The following ZNF385D variants were observed in gnomAD, a reference collection of about 807,000 sequenced individuals.
The protein encoded by ZNF385D is zinc finger protein 659.
In ZNF385D, 15 loss-of-function variants were observed where a neutral mutation model predicts 35.8. The observed-to-expected ratio is 0.42, with a 90% CI of 0.28 to 0.64. The LOEUF (loss-of-function observed/expected upper bound fraction) is 0.64. Ranked by LOEUF, ZNF385D falls within the 30% of genes least tolerant of loss-of-function variation. The pLI, the probability that ZNF385D is intolerant of heterozygous loss-of-function variation, is 0.23. For missense variants in ZNF385D, 474 were observed against 494.6 expected (o/e 0.96, Z 0.39); for synonymous variants, 212 against 186.8 (o/e 1.13, Z -1.10).
intron 2 of ZNF385D, among the ~76,000 whole-genome samples, chr3:22,259,137 T>A (rs1211961046): frequency 6.6e-6 from 1 of 151,922 alleles, no homozygotes; most frequent in Non-Finnish European, 1.5e-5. Context: ...CTCTGTAACA[T>A]CATGTATCTC....
chr3:22,253,818 CAA>C (rs1240123585), intron 2 of ZNF385D, among the ~76,000 whole-genome samples: 2 of 141,794 alleles, frequency 1.4e-5, no homozygotes, highest in Non-Finnish European at 3.2e-5. Context: ...ATTGCTATAA[CAA>C]GAGAGAAAAA....
intron 2 of ZNF385D, among the ~76,000 whole-genome samples, chr3:22,240,201 A>AAG (rs1553635042): frequency 0.33 from 40,320 of 120,424 alleles, 8,654 homozygotes; most frequent in African/African-American, 0.4. Flanking sequence ...AAAAAAAAAA[A>AAG]AAGATTTCAG....
At chr3:22,170,321 T>G (rs1271392731) in intron 2 of ZNF385D, among the ~76,000 whole-genome samples, 3 of 152,184 alleles carry the variant, frequency 2.0e-5, no homozygotes, top group African/African-American at 7.2e-5. Flanking sequence ...GACTTTGGAA[T>G]CAGGTAAATG....
chr3:22,332,120 C>T (rs1694966191), intron 2 of ZNF385D, among the ~76,000 whole-genome samples: 1 of 152,198 alleles, frequency 6.6e-6, no homozygotes, highest in Non-Finnish European at 1.5e-5. Flanking sequence ...CTATTCACTA[C>T]TTCTATCCAT....
intron 3 of ZNF385D, among the ~76,000 whole-genome samples, chr3:22,105,245 T>A (rs1187646876): frequency 6.6e-6 from 1 of 151,906 alleles, no homozygotes; most frequent in East Asian, 1.9e-4. Flanking sequence ...ACTGAAAATA[T>A]TAAGTGCCAA....
At chr3:22,155,291 T>C (rs1705514262) in intron 3 of ZNF385D, among the ~76,000 whole-genome samples, 1 of 152,102 alleles carries the variant, frequency 6.6e-6, no homozygotes, top group East Asian at 1.9e-4. Context: ...ATATGGGATG[T>C]GGGGTCTCCG....
At chr3:21,583,951 C>CTTATTTACTTAT (rs1553617404) in intron 2 of ZNF385D, among the ~76,000 whole-genome samples, 28 of 132,932 alleles carry the variant, frequency 2.1e-4, no homozygotes, top group African/African-American at 6.9e-4. Context: ...ATTTATTTTA[C>CTTATTTACTTAT]TTATTTACTT....
At chr3:22,256,150 C>A (rs1383951934) in intron 2 of ZNF385D, among the ~76,000 whole-genome samples, 2 of 151,350 alleles carry the variant, frequency 1.3e-5, no homozygotes, top group Non-Finnish European at 3.0e-5. Context: ...ACTGGCTCTC[C>A]TTGTTCGTCA....
intron 2 of ZNF385D, among the ~76,000 whole-genome samples, chr3:21,621,417 G>C (rs1169787961): frequency 2.0e-5 from 3 of 152,078 alleles, no homozygotes; most frequent in Non-Finnish European, 4.4e-5. Flanking sequence ...CTTAGTAGCA[G>C]CTATGGTAAA....
intron 2 of ZNF385D, among the ~76,000 whole-genome samples, chr3:21,625,147 G>A (rs935519715): frequency 1.3e-5 from 2 of 152,006 alleles, no homozygotes; most frequent in Admixed American, 1.3e-4. Flanking sequence ...CCAATAGTCG[G>A]TAAGGTACTA....
chr3:22,339,589 C>T (rs1355969906), intron 2 of ZNF385D, among the ~76,000 whole-genome samples: 1 of 152,144 alleles, frequency 6.6e-6, no homozygotes, highest in Non-Finnish European at 1.5e-5. Flanking sequence ...TAACCTTTTC[C>T]ATTTGATGCT....
At chr3:22,299,181 T>C (rs1299657766) in intron 2 of ZNF385D, among the ~76,000 whole-genome samples, 2 of 151,934 alleles carry the variant, frequency 1.3e-5, no homozygotes, top group South Asian at 2.1e-4. Flanking sequence ...ATGACAAATA[T>C]TGCTATACTG....
At chr3:21,790,247 G>A (rs1286929284) in intron 3 of ZNF385D, among the ~76,000 whole-genome samples, 1 of 26,090 alleles carries the variant, frequency 3.8e-5, no homozygotes, top group Non-Finnish European at 7.8e-5. Flanking sequence ...ATGCATATGT[G>A]GCTTTTTTTC....
chr3:21,724,505 A>C (rs1255067526), intron 1 of ZNF385D, among the ~76,000 whole-genome samples: 1 of 96,762 alleles, frequency 1.0e-5, no homozygotes, highest in Non-Finnish European at 2.4e-5. Context: ...AAAAAAAAAA[A>C]AAAAAAAAAA....
intron 4 of ZNF385D, among the ~76,000 whole-genome samples, chr3:21,437,590 G>T (rs1378218105): frequency 6.7e-6 from 1 of 150,014 alleles, no homozygotes; most frequent in Middle Eastern, 3.2e-3. Context: ...GAAGATAAAT[G>T]CTTTTAAGAT....
intron 2 of ZNF385D, among the ~76,000 whole-genome samples, chr3:22,278,178 G>A (rs1701530771): frequency 2.0e-5 from 3 of 152,120 alleles, no homozygotes; most frequent in African/African-American, 4.8e-5. Flanking sequence ...AAGAAGAGAG[G>A]CATTTAATAC....
intron 2 of ZNF385D, among the ~76,000 whole-genome samples, chr3:21,620,225 AG>A (rs2064964410): frequency 6.6e-6 from 1 of 152,184 alleles, no homozygotes; most frequent in Non-Finnish European, 1.5e-5. Flanking sequence ...AAGGCCAGAA[AG>A]GATCTAGGCA....
At chr3:21,511,638 A>G in intron 3 of ZNF385D, 1 of 454,024 alleles carries the variant, frequency 2.2e-6, no homozygotes, top group Non-Finnish European at 4.4e-6. Flanking sequence ...TAGTCTGAGA[A>G]GTTCAACTTA....
chr3:22,027,853 A>C (rs1015694987), intron 3 of ZNF385D, among the ~76,000 whole-genome samples: 1 of 152,182 alleles, frequency 6.6e-6, no homozygotes, highest in African/African-American at 2.4e-5. Flanking sequence ...ATCAGTTGAC[A>C]GAGGAAGAGA....
Sources: gnomAD v4.1 joint callset for allele counts (sites outside exome capture counted in the v4.1 genomes callset) on GRCh38, gnomAD v4.1.1 for gene constraint, MANE v1.5 for transcripts, NCBI Gene and HGNC (gene_info 2026-07-23, HGNC 2026-07-21) for gene names.